GRID2: variants seen among roughly 807,000 people sequenced by gnomAD.
GRID2 encodes the protein glutamate ionotropic receptor delta type subunit 2.
GRID2 carries 33 observed loss-of-function variants against 114.8 expected under a neutral mutation model. The observed-to-expected ratio is 0.29, with a 90% CI of 0.22 to 0.38. GRID2 has a LOEUF of 0.38. Among genes scored for constraint, GRID2 ranks in the 10% least tolerant of loss-of-function variants. The pLI, the probability that GRID2 is intolerant of heterozygous loss-of-function variation, is 1.00. For synonymous variants in GRID2, 505 were observed against 449.9 expected (o/e 1.12, Z -1.55); for missense variants, 1,184 against 1,257.7 (o/e 0.94, Z 0.89).
chr4:93,383,868 A>G (rs925843565), intron 8 of GRID2, among the ~76,000 whole-genome samples: 3 of 152,136 alleles, frequency 2.0e-5, no homozygotes, highest in African/African-American at 7.2e-5. Flanking sequence ...TCATGCCACC[A>G]AATCATATGT....
chr4:93,189,642 C>T (rs954856967), intron 4 of GRID2, among the ~76,000 whole-genome samples: 1 of 151,960 alleles, frequency 6.6e-6, no homozygotes, highest in African/African-American at 2.4e-5. Context: ...TTGTTCAGCA[C>T]CATACCGAAG....
intron 2 of GRID2, among the ~76,000 whole-genome samples, chr4:92,923,716 G>A (rs1749559588): frequency 6.6e-6 from 1 of 152,136 alleles, no homozygotes; most frequent in East Asian, 1.9e-4. Flanking sequence ...ATTACAGATA[G>A]CTCCATGAAT....
intron 2 of GRID2, among the ~76,000 whole-genome samples, chr4:92,973,210 C>T (rs1055468364): frequency 2.0e-5 from 3 of 152,018 alleles, no homozygotes; most frequent in African/African-American, 7.2e-5. Context: ...GTGGTGATTC[C>T]TCAAAGACCT....
intron 2 of GRID2, among the ~76,000 whole-genome samples, chr4:92,842,608 G>C (rs1742989464): frequency 6.6e-6 from 1 of 152,120 alleles, no homozygotes; most frequent in African/African-American, 2.4e-5. Flanking sequence ...TAGATAGTAG[G>C]CAGCTTGGCA....
intron 14 of GRID2, among the ~76,000 whole-genome samples, chr4:93,687,003 C>A (rs1196488038): frequency 1.3e-5 from 2 of 151,874 alleles, no homozygotes; most frequent in Non-Finnish European, 2.9e-5. Context: ...AAGATAGAAG[C>A]TGGGAGAACA....
Position 92,600,024 on chromosome 4 carries a change from A to ATGTGTGTG in GRID2, c.244+9752_244+9759dup, listed in dbSNP as rs145357264. On this transcript the variant is annotated intron_variant, in intron 2 of 15. Transcript: ENST00000282020. ...TGGGCGACAGGGCAATACTTCATGT[A>ATGTGTGTG]TGTGTGTGTGTGTGTGTGTGTATAT... 1.9e-3 allele frequency among the ~76,000 whole-genome samples: 148 copies of ATGTGTGTG among 79,618 alleles called. 3 individuals are homozygous for ATGTGTGTG. Among genetic ancestry groups the ATGTGTGTG allele is most frequent in the East Asian group, 8.2e-3 (21 of 2,560 alleles). The allele number at this position is 79,618 out of a possible 152,430, so 52.2% of individuals were successfully genotyped here. A position where few individuals can be genotyped will look rare whatever the true frequency, so the allele number is the denominator to read the frequency against.
intron 13 of GRID2, among the ~76,000 whole-genome samples, chr4:93,517,330 A>T (rs1484790410): frequency 6.6e-6 from 1 of 152,120 alleles, no homozygotes; most frequent in African/African-American, 2.4e-5. Flanking sequence ...AGAGGTAGAT[A>T]ATAATTTCTA....
intron 8 of GRID2, among the ~76,000 whole-genome samples, chr4:93,294,285 G>A (rs1337248821): frequency 1.3e-5 from 2 of 151,804 alleles, no homozygotes; most frequent in Admixed American, 6.5e-5. Flanking sequence ...CAGCAGTGGA[G>A]GTGATCCATA....
chr4:93,081,670 A>C (rs1253558040), intron 2 of GRID2, among the ~76,000 whole-genome samples: 1 of 152,188 alleles, frequency 6.6e-6, no homozygotes, highest in Non-Finnish European at 1.5e-5. Context: ...TATAGTATAA[A>C]TAAATCACAA....
At chr4:93,560,222 T>TAA (rs70942974) in intron 13 of GRID2, among the ~76,000 whole-genome samples, 540 of 42,944 alleles carry the variant, frequency 0.013, 44 homozygotes, top group East Asian at 0.019. Flanking sequence ...GAACTTAAAG[T>TAA]AAAAAAAAAA....
At chr4:92,857,813 C>G (rs1005172363) in intron 2 of GRID2, among the ~76,000 whole-genome samples, 1 of 152,266 alleles carries the variant, frequency 6.6e-6, no homozygotes, top group Admixed American at 6.5e-5. Context: ...CTAGGACTTT[C>G]ATAAATCAAA....
intron 2 of GRID2, among the ~76,000 whole-genome samples, chr4:92,918,691 G>A (rs1749031661): frequency 6.6e-6 from 1 of 152,160 alleles, no homozygotes; most frequent in South Asian, 2.1e-4. Context: ...TTGCATCCCA[G>A]GGATGAAGCC....
At chr4:92,436,963 G>A (rs1030228451) in intron 1 of GRID2, among the ~76,000 whole-genome samples, 7 of 152,084 alleles carry the variant, frequency 4.6e-5, no homozygotes, top group African/African-American at 1.7e-4. Context: ...AAATATATTA[G>A]CAAGTTTGAT....
chr4:92,923,768 A>G (rs545373214), intron 2 of GRID2, among the ~76,000 whole-genome samples: 165 of 152,280 alleles, frequency 1.1e-3, no homozygotes, highest in South Asian at 7.7e-3. Context: ...CACAGTAGCA[A>G]TACAGAGACT....
At chr4:93,423,146 A>G (rs1372073420) in intron 10 of GRID2, among the ~76,000 whole-genome samples, 178 bp downstream of exon 10, 2 of 152,104 alleles carry the variant, frequency 1.3e-5, no homozygotes, top group African/African-American at 4.8e-5. Flanking sequence ...ATACTATTTT[A>G]TGAACTTTGT....
At chr4:93,282,442 T>A (rs1407671296) in intron 8 of GRID2, 1 of 429,008 alleles carries the variant, frequency 2.3e-6, no homozygotes, top group Non-Finnish European at 4.6e-6. Context: ...TGCTGCATCA[T>A]CTTATGGAAG....
intron 14 of GRID2, among the ~76,000 whole-genome samples, chr4:93,748,089 G>T (rs1049404225): frequency 5.9e-5 from 9 of 152,014 alleles, no homozygotes; most frequent in African/African-American, 1.9e-4. Context: ...AAAGTGTTAT[G>T]ACCCAAAGCA....
intron 14 of GRID2, among the ~76,000 whole-genome samples, chr4:93,671,599 T>C (rs1480884240): frequency 6.6e-6 from 1 of 152,174 alleles, no homozygotes; most frequent in East Asian, 1.9e-4. Flanking sequence ...CACAGGGATG[T>C]TTGTCAAAAG....
At chr4:92,782,788 G>C (rs1046303327) in intron 2 of GRID2, among the ~76,000 whole-genome samples, 1 of 152,034 alleles carries the variant, frequency 6.6e-6, no homozygotes, top group Non-Finnish European at 1.5e-5. Context: ...AGGTGAGATT[G>C]CTCAGGGCTA....
Sources: allele counts gnomAD v4.1 joint callset (sites outside exome capture counted in the v4.1 genomes callset), GRCh38; gene constraint gnomAD v4.1.1; transcripts MANE v1.5; gene names NCBI Gene and HGNC (gene_info 2026-07-23, HGNC 2026-07-21).